Variants in ARB2A observed in about 807,000 individuals in gnomAD.
ARB2A encodes ARB2 cotranscriptional regulator A.
chr5:93,618,744 C>T, the ARB2A span: 1 of 152,182 alleles, frequency 6.6e-6, no homozygotes, highest in Non-Finnish European at 1.5e-5. Flanking sequence ...CTTAAGTTTG[C>T]AAATAGCTCT....
the ARB2A span, among the ~76,000 whole-genome samples, chr5:93,992,846 C>A: frequency 6.6e-6 from 1 of 151,994 alleles, no homozygotes; most frequent in Non-Finnish European, 1.5e-5. Flanking sequence ...AGGTATAAAT[C>A]TTTTCTCAAA....
the ARB2A span, chr5:93,619,941 T>G: frequency 6.6e-6 from 1 of 152,208 alleles, no homozygotes; most frequent in African/African-American, 2.4e-5. Context: ...AGAAAAAGGC[T>G]GCAGAGCACA....
At chr5:93,891,047 T>A in the ARB2A span, among the ~76,000 whole-genome samples, 2 of 152,146 alleles carry the variant, frequency 1.3e-5, no homozygotes, top group African/African-American at 2.4e-5. Context: ...GGACCTTGTC[T>A]TTTGTTTTAA....
chr5:93,949,159 TTTTAA>T, the ARB2A span, among the ~76,000 whole-genome samples: 35 of 152,144 alleles, frequency 2.3e-4, no homozygotes, highest in Non-Finnish European at 4.3e-4. Flanking sequence ...TTTCTTTTTC[TTTTAA>T]TTTTTGTACG....
chr5:93,724,388 T>C, the ARB2A span, among the ~76,000 whole-genome samples: 1 of 152,056 alleles, frequency 6.6e-6, no homozygotes, highest in Non-Finnish European at 1.5e-5. Context: ...CAGTCAATTA[T>C]AGTATCACGT....
chr5:93,713,789 G>T, the ARB2A span, among the ~76,000 whole-genome samples: 2 of 152,068 alleles, frequency 1.3e-5, no homozygotes, highest in Non-Finnish European at 2.9e-5. Context: ...AAGATAAAAA[G>T]AAACAACTGG....
the ARB2A span, among the ~76,000 whole-genome samples, chr5:94,040,414 T>C: frequency 3.3e-5 from 5 of 152,034 alleles, no homozygotes; most frequent in African/African-American, 1.2e-4. Context: ...GCAGGTTTGT[T>C]ACATATGTAT....
chr5:93,825,369 C>T, the ARB2A span, among the ~76,000 whole-genome samples: 3 of 152,238 alleles, frequency 2.0e-5, no homozygotes, highest in Non-Finnish European at 2.9e-5. Context: ...TCATCTTCAA[C>T]AATGTTCTGT....
At chr5:93,792,648 C>T in the ARB2A span, among the ~76,000 whole-genome samples, 1 of 133,392 alleles carries the variant, frequency 7.5e-6, no homozygotes, top group African/African-American at 2.9e-5. Context: ...GGGAATTGAA[C>T]AATGAGAAAA....
the ARB2A span, among the ~76,000 whole-genome samples, chr5:93,875,240 T>G: frequency 2.0e-5 from 3 of 149,978 alleles, no homozygotes; most frequent in African/African-American, 4.9e-5. Context: ...TCGGACTGCT[T>G]TTTTTTTTTG....
chr5:93,983,401 T>G, the ARB2A span, among the ~76,000 whole-genome samples: 1 of 152,144 alleles, frequency 6.6e-6, no homozygotes, highest in Admixed American at 6.5e-5. Flanking sequence ...GAAATCTGCC[T>G]GATGAGGATC....
At chr5:93,792,509 G>C in the ARB2A span, among the ~76,000 whole-genome samples, 15 of 152,038 alleles carry the variant, frequency 9.9e-5, no homozygotes, top group Non-Finnish European at 4.4e-5. Context: ...AAGAAGGCAG[G>C]TTAAGATACA....
chr5:93,886,937 TC>T, the ARB2A span, among the ~76,000 whole-genome samples: 1 of 151,772 alleles, frequency 6.6e-6, no homozygotes, highest in Non-Finnish European at 1.5e-5. Flanking sequence ...ACATAGATTA[TC>T]CCAGTTAAGT....
At chr5:93,820,936 G>A in the ARB2A span, among the ~76,000 whole-genome samples, 12 of 152,016 alleles carry the variant, frequency 7.9e-5, no homozygotes, top group East Asian at 1.9e-3. Context: ...TCTTATTATA[G>A]TAAAATGTAT....
At chr5:93,837,166 A>T in the ARB2A span, among the ~76,000 whole-genome samples, 1 of 152,060 alleles carries the variant, frequency 6.6e-6, no homozygotes, top group Non-Finnish European at 1.5e-5. Context: ...TTTTGTGTCC[A>T]CGTGTTCTCA....
At chr5:94,066,103 G>C in the ARB2A span, among the ~76,000 whole-genome samples, 1 of 152,068 alleles carries the variant, frequency 6.6e-6, no homozygotes, top group African/African-American at 2.4e-5. Context: ...TGAGCACTGA[G>C]TCAAGGAAGA....
chr5:94,042,469 C>A, the ARB2A span, among the ~76,000 whole-genome samples: 4 of 152,050 alleles, frequency 2.6e-5, no homozygotes, highest in Admixed American at 2.6e-4. Flanking sequence ...CCACGCCTGG[C>A]TAATTTTTTG....
chr5:94,012,049 T>C, the ARB2A span, among the ~76,000 whole-genome samples: 1 of 149,616 alleles, frequency 6.7e-6, no homozygotes, highest in Non-Finnish European at 1.5e-5. Context: ...TAAGATAACA[T>C]ATTGAGAAGA....
the ARB2A span, among the ~76,000 whole-genome samples, chr5:93,858,524 C>T: frequency 6.6e-6 from 1 of 152,162 alleles, no homozygotes; most frequent in Admixed American, 6.5e-5. Context: ...CCTGGGAGAC[C>T]ACTTATATTC....
Sources: gnomAD v4.1 joint callset for allele counts (sites outside exome capture counted in the v4.1 genomes callset) on GRCh38, gnomAD v4.1.1 for gene constraint, MANE v1.5 for transcripts, NCBI Gene and HGNC (gene_info 2026-07-23, HGNC 2026-07-21) for gene names.